RAD51B: variants seen among roughly 807,000 people sequenced by gnomAD.
The protein encoded by RAD51B is DNA repair protein RAD51 homolog 2.
RAD51B carries 38 observed loss-of-function variants against 42.2 expected under a neutral mutation model. The observed-to-expected ratio is 0.90, with a 90% CI of 0.70 to 1.18. RAD51B has a LOEUF of 1.18. Ranked by LOEUF, RAD51B falls within the 50% of genes most tolerant of loss-of-function variation. The pLI is 0.00. For missense variants in RAD51B, 373 were observed against 400.7 expected (o/e 0.93, Z 0.59); for synonymous variants, 154 against 145.2 (o/e 1.06, Z -0.43).
intron 9 of RAD51B, among the ~76,000 whole-genome samples, chr14:68,443,758 G>A (rs949981034): frequency 2.0e-5 from 3 of 151,948 alleles, no homozygotes; most frequent in Admixed American, 2.0e-4. Context: ...TTCAGCCTTT[G>A]GGACACCAAC....
At chr14:68,416,972 A>G (rs552638330) in intron 9 of RAD51B, among the ~76,000 whole-genome samples, 1 of 152,360 alleles carries the variant, frequency 6.6e-6, no homozygotes, top group African/African-American at 2.4e-5. Context: ...CTGAATAACC[A>G]AAGAAAAGTT....
intron 7 of RAD51B, among the ~76,000 whole-genome samples, chr14:68,202,945 C>T (rs541605936): frequency 3.3e-5 from 5 of 152,256 alleles, no homozygotes; most frequent in Non-Finnish European, 7.4e-5. Context: ...GCTTCAGGCT[C>T]TACTTCTAAT....
chr14:67,984,373 A>G (rs1386489606), intron 7 of RAD51B, among the ~76,000 whole-genome samples: 1 of 152,162 alleles, frequency 6.6e-6, no homozygotes, highest in Non-Finnish European at 1.5e-5. Flanking sequence ...TGTTGTAAAC[A>G]TTGTTGGTTT....
intron 7 of RAD51B, among the ~76,000 whole-genome samples, chr14:68,237,854 C>T (rs897379871): frequency 2.0e-5 from 3 of 151,694 alleles, no homozygotes; most frequent in Admixed American, 6.6e-5. Context: ...CCTGCCTCAG[C>T]CTCCCAAGTA....
intron 7 of RAD51B, among the ~76,000 whole-genome samples, chr14:68,227,097 A>G (rs1231933626): frequency 2.0e-5 from 3 of 152,334 alleles, no homozygotes; most frequent in African/African-American, 4.8e-5. Context: ...GTCTTTAAAG[A>G]TGCAATCAGG....
chr14:68,311,408 C>T (rs894910421), intron 8 of RAD51B, among the ~76,000 whole-genome samples: 1 of 152,226 alleles, frequency 6.6e-6, no homozygotes, highest in Admixed American at 6.5e-5. Flanking sequence ...ATCCTGAATT[C>T]TTGCTCTTCT....
chr14:68,072,145 A>T (rs1425330925), intron 7 of RAD51B, among the ~76,000 whole-genome samples: 6 of 133,112 alleles, frequency 4.5e-5, no homozygotes, highest in South Asian at 2.2e-4. Context: ...TTATATATAT[A>T]TTTTATATAT....
chr14:68,126,826 A>C (rs2077770279), intron 7 of RAD51B, among the ~76,000 whole-genome samples: 1 of 152,214 alleles, frequency 6.6e-6, no homozygotes, highest in Non-Finnish European at 1.5e-5. Context: ...ATGTGGAATG[A>C]GAATCTCAAG....
chr14:67,965,885 C>T (rs2074766477), intron 7 of RAD51B, among the ~76,000 whole-genome samples: 1 of 152,060 alleles, frequency 6.6e-6, no homozygotes, highest in African/African-American at 2.4e-5. Context: ...AGCAGTAGGG[C>T]CACCGTTAGA....
At chr14:68,476,850 G>A (rs1882662357) in intron 10 of RAD51B, among the ~76,000 whole-genome samples, 1 of 152,156 alleles carries the variant, frequency 6.6e-6, no homozygotes, top group Non-Finnish European at 1.5e-5. Flanking sequence ...TGTCGCCACA[G>A]AACTAAGGGC....
chr14:68,334,877 T>C (rs1321250584), intron 8 of RAD51B, among the ~76,000 whole-genome samples: 1 of 138,424 alleles, frequency 7.2e-6, no homozygotes, highest in African/African-American at 2.8e-5. Flanking sequence ...ATATATAGGA[T>C]AGATATATAT....
At chr14:68,165,502 AT>A (rs141149401) in intron 7 of RAD51B, among the ~76,000 whole-genome samples, 2,379 of 151,936 alleles carry the variant, frequency 0.016, 70 homozygotes, top group African/African-American at 0.052. Flanking sequence ...ATTCATATGC[AT>A]TTTTTTTCCT....
chr14:68,120,870 T>C (rs1388719740), intron 7 of RAD51B, among the ~76,000 whole-genome samples: 2 of 152,196 alleles, frequency 1.3e-5, no homozygotes, highest in Non-Finnish European at 2.9e-5. Context: ...TGAGAAATGT[T>C]ATTTTTTTCA....
chr14:68,185,237 G>A (rs568592664), intron 7 of RAD51B, among the ~76,000 whole-genome samples: 14 of 152,204 alleles, frequency 9.2e-5, no homozygotes, highest in Admixed American at 3.3e-4. Context: ...GTAAGACTGC[G>A]CATTGAAAAA....
chr14:68,470,201 T>A lies in RAD51B; in HGVS notation c.1036+1951T>A, dbSNP rs59631071. On this transcript the variant is annotated intron_variant, in intron 10 of 10. Transcript: ENST00000471583. ...TAATTCAAGAACAACAACCAGTAAATAAAATGCTTGGTTAGGAGACCTCAG... is the reference window on the plus strand; with the variant it reads ...TAATTCAAGAACAACAACCAGTAAAAAAAATGCTTGGTTAGGAGACCTCAG... Among the ~76,000 whole-genome samples, 197 of 152,252 alleles carry A rather than the reference T, an allele frequency of 1.3e-3. 1 individual carries two copies. Among genetic ancestry groups the A allele is most frequent in the African/African-American group, 4.7e-3 (194 of 41,556 alleles).
intron 10 of RAD51B, among the ~76,000 whole-genome samples, chr14:68,593,336 A>T (rs1444689080): frequency 6.6e-6 from 1 of 152,392 alleles, no homozygotes; most frequent in East Asian, 1.9e-4. Flanking sequence ...CTCTTGGAAC[A>T]GGGCCAGGCC....
At chr14:67,905,125 A>G (rs891007423) in intron 7 of RAD51B, among the ~76,000 whole-genome samples, 1 of 152,122 alleles carries the variant, frequency 6.6e-6, no homozygotes, top group Non-Finnish European at 1.5e-5. Context: ...AGTCTTCTGC[A>G]TATGGCTAGC....
intron 7 of RAD51B, among the ~76,000 whole-genome samples, chr14:68,031,753 A>G (rs1037773145): frequency 1.4e-4 from 21 of 152,226 alleles, no homozygotes; most frequent in African/African-American, 4.1e-4. Flanking sequence ...TGTCATTTCT[A>G]TCTTGATCCT....
At chr14:68,313,069 G>A (rs550847322) in intron 8 of RAD51B, among the ~76,000 whole-genome samples, 2 of 152,308 alleles carry the variant, frequency 1.3e-5, no homozygotes, top group Admixed American at 6.5e-5. Context: ...GAAAGGGTAC[G>A]ATATGAATTT....
Sources: gnomAD v4.1 joint callset for allele counts (sites outside exome capture counted in the v4.1 genomes callset) on GRCh38, gnomAD v4.1.1 for gene constraint, MANE v1.5 for transcripts, NCBI Gene and HGNC (gene_info 2026-07-23, HGNC 2026-07-21) for gene names.